Variants in CHLSN observed in about 807,000 individuals in gnomAD.
CHLSN encodes cholesin, also known as protein cholesin.
chr7:1,113,021 G>A, the CHLSN span, among the ~76,000 whole-genome samples: 31,114 of 152,206 alleles, frequency 0.2, 3,481 homozygotes, highest in Middle Eastern at 0.33. Context: ...ACCAGGAGCC[G>A]TGCAGTGCAG....
chr7:1,000,612 G>A, the CHLSN span: 2 of 1,392,096 alleles, frequency 1.4e-6, no homozygotes, highest in South Asian at 2.5e-5. Flanking sequence ...GCAGCTGTCT[G>A]CCCTGAGAGA....
At chr7:1,084,111 G>A in the CHLSN span, among the ~76,000 whole-genome samples, 1 of 152,250 alleles carries the variant, frequency 6.6e-6, no homozygotes, top group Non-Finnish European at 1.5e-5. Flanking sequence ...TTGGAGCAGA[G>A]TTCCAACCCC....
chr7:1,053,310 C>CG, the CHLSN span, among the ~76,000 whole-genome samples: 1 of 152,214 alleles, frequency 6.6e-6, no homozygotes, highest in Admixed American at 6.5e-5. Flanking sequence ...GTGGCGACGG[C>CG]GGGGGAGGGG....
chr7:1,040,192 A>ATAAAAAAATAAT, the CHLSN span, among the ~76,000 whole-genome samples: 1 of 120,618 alleles, frequency 8.3e-6, no homozygotes, highest in East Asian at 2.0e-4. Flanking sequence ...TTAAAAAAAA[A>ATAAAAAAATAAT]AAAAAAAAAA....
the CHLSN span, among the ~76,000 whole-genome samples, chr7:1,110,436 A>G: frequency 6.6e-6 from 1 of 152,308 alleles, no homozygotes; most frequent in African/African-American, 2.4e-5. Context: ...CAAGGTCTCC[A>G]AATCTAACGG....
At chr7:1,051,206 G>C in the CHLSN span, among the ~76,000 whole-genome samples, 2 of 152,170 alleles carry the variant, frequency 1.3e-5, no homozygotes, top group Admixed American at 6.5e-5. Context: ...CCAGAAAACG[G>C]GGCGCCAGCC....
At chr7:986,168 G>C in the CHLSN span, among the ~76,000 whole-genome samples, 1 of 152,172 alleles carries the variant, frequency 6.6e-6, no homozygotes, top group Non-Finnish European at 1.5e-5. Context: ...GCCCCAGGAA[G>C]GCGAGTGGCA....
At chr7:1,131,014 T>C in the CHLSN span, among the ~76,000 whole-genome samples, 1 of 152,010 alleles carries the variant, frequency 6.6e-6, no homozygotes, top group Admixed American at 6.6e-5. Flanking sequence ...ATAGCGAGGC[T>C]CCACGTCTAC....
the CHLSN span, among the ~76,000 whole-genome samples, chr7:995,886 G>A: frequency 1.3e-5 from 2 of 152,196 alleles, no homozygotes; most frequent in Non-Finnish European, 2.9e-5. Flanking sequence ...GGACGGGGCT[G>A]GATGCTGGCC....
the CHLSN span, among the ~76,000 whole-genome samples, chr7:1,023,670 CA>C: frequency 4.1e-3 from 446 of 108,062 alleles, 1 homozygote; most frequent in African/African-American, 0.013. This position sits in a 1 kb window ranked among gnomAD's most constrained non-coding sequence, Gnocchi z 5.0. Context: ...CACACACACA[CA>C]CACACACCAG....
chr7:1,058,542 G>A, the CHLSN span: 12 of 762,642 alleles, frequency 1.6e-5, no homozygotes, highest in Non-Finnish European at 2.9e-5. Context: ...CTGGGGAGAC[G>A]TGACTCTGGT....
the CHLSN span, among the ~76,000 whole-genome samples, chr7:1,084,976 G>A: frequency 2.0e-5 from 3 of 152,236 alleles, no homozygotes; most frequent in Admixed American, 1.3e-4. Context: ...GCTGGCAGAG[G>A]GAGGGGCGCT....
At chr7:1,058,792 C>T in the CHLSN span, 1 of 480,780 alleles carries the variant, frequency 2.1e-6, no homozygotes, top group Non-Finnish European at 3.8e-6. Context: ...CGCCTTCAGC[C>T]TCCTCAGCAT....
the CHLSN span, chr7:1,009,917 C>T: frequency 1.4e-5 from 21 of 1,498,548 alleles, no homozygotes; most frequent in African/African-American, 1.9e-4. Context: ...GACGCACGTC[C>T]GGGACAGAAC....
chr7:1,117,940 C>G, the CHLSN span, among the ~76,000 whole-genome samples: 159 of 152,324 alleles, frequency 1.0e-3, 1 homozygote, highest in African/African-American at 3.7e-3. Context: ...CCCCTAGAAG[C>G]TGGGACCACA....
the CHLSN span, among the ~76,000 whole-genome samples, chr7:1,080,539 G>C: frequency 6.6e-6 from 1 of 152,212 alleles, no homozygotes; most frequent in Non-Finnish European, 1.5e-5. Flanking sequence ...GGGAGGGGCT[G>C]ACCACCCAGG....
the CHLSN span, among the ~76,000 whole-genome samples, chr7:1,017,316 G>A: frequency 3.3e-5 from 5 of 152,224 alleles, no homozygotes; most frequent in African/African-American, 7.2e-5. Context: ...CCAGCCTGCC[G>A]TGCCCTGCTG....
chr7:1,000,305 C>G, the CHLSN span, among the ~76,000 whole-genome samples: 2 of 146,586 alleles, frequency 1.4e-5, no homozygotes, highest in African/African-American at 5.1e-5. Flanking sequence ...GTGCACAGAC[C>G]TCAGCCCCCG....
the CHLSN span, among the ~76,000 whole-genome samples, chr7:1,120,639 A>G: frequency 6.6e-6 from 1 of 152,216 alleles, no homozygotes; most frequent in South Asian, 2.1e-4. Flanking sequence ...AGGATCCAGC[A>G]ATTCCGGTCC....
Sources: allele counts gnomAD v4.1 joint callset (sites outside exome capture counted in the v4.1 genomes callset), GRCh38; gene constraint gnomAD v4.1.1; non-coding constraint Gnocchi (gnomAD v3.1); transcripts MANE v1.5; gene names NCBI Gene and HGNC (gene_info 2026-07-23, HGNC 2026-07-21).